MLIP: variants seen among roughly 807,000 people sequenced by gnomAD.
MLIP encodes the protein muscular LMNA interacting protein.
Under a neutral mutation model 84.8 loss-of-function variants are expected in MLIP, and 79 were observed. The ratio of observed to expected loss-of-function variants is 0.93; its 90% confidence interval spans 0.78 to 1.12. The LOEUF (loss-of-function observed/expected upper bound fraction) is 1.12, where lower values mean the gene tolerates loss of function less well. Among genes scored for constraint, MLIP ranks in the 50% most tolerant of loss-of-function variants. The pLI is 0.00. For synonymous variants in MLIP, 504 were observed against 463.0 expected, an observed-to-expected ratio of 1.09 and a Z score of -1.14; for missense variants, 1,257 against 1,160.6, an observed-to-expected ratio of 1.08 and a Z score of -1.21.
intron 11 of MLIP, among the ~76,000 whole-genome samples, chr6:54,220,314 C>A (rs4329099): frequency 0.12 from 17,515 of 151,990 alleles, 1,313 homozygotes; most frequent in East Asian, 0.2. Flanking sequence ...TGAAGCTGTG[C>A]AATTTTCAGT....
At chr6:54,191,303 A>T (rs554086867) in intron 10 of MLIP, among the ~76,000 whole-genome samples, 1 of 152,300 alleles carries the variant, frequency 6.6e-6, no homozygotes, top group South Asian at 2.1e-4. Flanking sequence ...TAATTACAAT[A>T]TATTTATTTG....
intron 4 of MLIP, among the ~76,000 whole-genome samples, chr6:54,143,278 C>T (rs561590743): frequency 1.1e-4 from 16 of 147,996 alleles, no homozygotes; most frequent in African/African-American, 2.3e-4. Context: ...AGTGCAATGG[C>T]GCAATCTCGG....
At chr6:54,034,796 A>G (rs1305551798) in intron 1 of MLIP, among the ~76,000 whole-genome samples, 1 of 152,192 alleles carries the variant, frequency 6.6e-6, no homozygotes, top group Non-Finnish European at 1.5e-5. Flanking sequence ...TAAAGTCTAC[A>G]GTAGTGTAGA....
chr6:54,123,968 A>C (rs75238675), intron 2 of MLIP, among the ~76,000 whole-genome samples: 1,880 of 152,270 alleles, frequency 0.012, 44 homozygotes, highest in African/African-American at 0.041. Flanking sequence ...GTTCTCCCTA[A>C]TTAACTTAGA....
rs80295504 is a variant in MLIP at position 54,133,396 on chromosome 6, G to A, written c.646-3319G>A. ...ATAATAGCTAAGTTTAGGAGGCCGA[G>A]CTGCCATTATGCAATGATTGGTATG... On this transcript the variant is annotated intron_variant, in intron 3 of 13. Coordinates refer to ENST00000502396, the MANE Select transcript of MLIP (RefSeq NM_001281747.2). 1.1e-3 allele frequency among the ~76,000 whole-genome samples: 175 copies of A among 152,308 alleles called. 3 individuals carry two copies. The highest frequency in any genetic ancestry group is 0.011 in the East Asian group (56 of 5,180).
intron 12 of MLIP, among the ~76,000 whole-genome samples, chr6:54,250,875 C>A (rs946465962): frequency 6.6e-6 from 1 of 152,024 alleles, no homozygotes; most frequent in Non-Finnish European, 1.5e-5. Context: ...AGGTTAGATT[C>A]ATCTATTATG....
chr6:54,104,261 C>T (rs1244562589), intron 1 of MLIP, among the ~76,000 whole-genome samples: 1 of 151,944 alleles, frequency 6.6e-6, no homozygotes, highest in Non-Finnish European at 1.5e-5. Flanking sequence ...TTATTTTGTT[C>T]CTTTATGGAA....
At chr6:54,235,037 A>T (rs181545464) in intron 12 of MLIP, among the ~76,000 whole-genome samples, 1 of 152,102 alleles carries the variant, frequency 6.6e-6, no homozygotes, top group Non-Finnish European at 1.5e-5. Flanking sequence ...CTCATCATTC[A>T]TTTTGTCTCA....
intron 13 of MLIP, chr6:54,261,584 C>G: frequency 1.0e-6 from 1 of 984,970 alleles, no homozygotes; most frequent in Non-Finnish European, 1.2e-6. Flanking sequence ...GACTGATTTG[C>G]CACTTTGGTG....
At chr6:54,115,881 A>T (rs1261353073) in intron 1 of MLIP, among the ~76,000 whole-genome samples, 1 of 152,228 alleles carries the variant, frequency 6.6e-6, no homozygotes, top group Non-Finnish European at 1.5e-5. Context: ...ATTGAAATAG[A>T]GTCCTTCAGA....
intron 1 of MLIP, among the ~76,000 whole-genome samples, chr6:54,037,131 T>G (rs1385098272): frequency 6.6e-6 from 1 of 151,968 alleles, no homozygotes; most frequent in Non-Finnish European, 1.5e-5. Flanking sequence ...TTTGTATTGC[T>G]TTTTTACATG....
chr6:54,022,427 A>G (rs1763547372), intron 1 of MLIP, among the ~76,000 whole-genome samples: 1 of 152,144 alleles, frequency 6.6e-6, no homozygotes, highest in African/African-American at 2.4e-5. Flanking sequence ...TTGTAGTCTG[A>G]TTTTATTTTT....
chr6:54,054,318 A>G (rs1426969377), intron 1 of MLIP, among the ~76,000 whole-genome samples: 6 of 151,640 alleles, frequency 4.0e-5, no homozygotes, highest in Non-Finnish European at 8.8e-5. Flanking sequence ...AAGACACTGT[A>G]TGAACTTGCA....
Position 54,257,318 on chromosome 6 carries a change from CAAT to C in MLIP, c.2934_2936del (p.Met979del). On this transcript the variant is annotated inframe_deletion, in exon 13 of 14. Transcript: ENST00000502396. Reference sequence around the variant, plus strand: ...ATCTTTTCTGTGAAGCTGAGTCATCCAATGGTGGCTATTCCTGAACATGAAGCT... The same window carrying C: ...ATCTTTTCTGTGAAGCTGAGTCATCCGGTGGCTATTCCTGAACATGAAGCT... The C allele has an allele frequency of 6.2e-7, 1 of 1,612,288 alleles. No individual in the cohort carries two copies. The highest frequency in any genetic ancestry group is 8.5e-7 in the Non-Finnish European group (1 of 1,178,812).
chr6:54,075,457 T>C (rs374085854), intron 1 of MLIP, among the ~76,000 whole-genome samples: 89 of 152,260 alleles, frequency 5.8e-4, no homozygotes, highest in African/African-American at 2.0e-3. Context: ...TCAAGGCAAC[T>C]TTTAATTATG....
At chr6:54,134,736 G>A (rs1278570551) in intron 3 of MLIP, among the ~76,000 whole-genome samples, 1 of 151,942 alleles carries the variant, frequency 6.6e-6, no homozygotes, top group East Asian at 1.9e-4. Context: ...ATAATTTGGT[G>A]AATAATCAAT....
chr6:54,200,024 CCA>C (rs1778560481), intron 10 of MLIP, among the ~76,000 whole-genome samples: 1 of 152,032 alleles, frequency 6.6e-6, no homozygotes, highest in African/African-American at 2.4e-5. Context: ...ACCATCAAAT[CCA>C]GGAAACTCAT....
rs369104538 is a variant in MLIP at position 54,137,091 on chromosome 6, A to G, written c.1022A>G (p.Glu341Gly). The G allele has an allele frequency of 8.5e-6, 13 of 1,535,922 alleles. No individual in the cohort carries two copies. The Middle Eastern group carries it at 5.0e-4, about 59-fold the overall frequency. The change falls in exon 4 of 14, where the codon GAA becomes GGA. Residue 341 changes from glutamate (E) to glycine (G), a missense_variant. By Grantham distance (98) the Glu-to-Gly change is moderately conservative (BLOSUM62 -2). Coordinates refer to ENST00000502396, the MANE Select transcript of MLIP (RefSeq NM_001281747.2). ...TLTSHVLSHG[E>G]SPRTSSSPPS... Reference sequence around the variant, plus strand: ...ACCTCGCATGTCCTTAGTCACGGAGAAAGTCCGAGAACCTCTTCTTCTCCA... The same window carrying G: ...ACCTCGCATGTCCTTAGTCACGGAGGAAGTCCGAGAACCTCTTCTTCTCCA...
intron 10 of MLIP, among the ~76,000 whole-genome samples, chr6:54,195,747 T>C (rs1778249017): frequency 6.6e-6 from 1 of 152,046 alleles, no homozygotes; most frequent in Non-Finnish European, 1.5e-5. Flanking sequence ...ATTCACTCCC[T>C]TGGATTTTTT....
Sources: allele counts gnomAD v4.1 joint callset (sites outside exome capture counted in the v4.1 genomes callset), GRCh38; gene constraint gnomAD v4.1.1; transcripts MANE v1.5; gene names NCBI Gene and HGNC (gene_info 2026-07-23, HGNC 2026-07-21).